Variants in NBEA observed in about 807,000 individuals in gnomAD.
The protein encoded by NBEA is neurobeachin.
A neutral mutation model predicts 343.4 loss-of-function variants in NBEA; 44 were observed. The ratio of observed to expected loss-of-function variants is 0.13; its 90% CI spans 0.10 to 0.16. The LOEUF is 0.16. Ranked by LOEUF, NBEA falls within the 10% of genes least tolerant of loss-of-function variation. NBEA has a pLI of 1.00. For missense variants in NBEA, 2,555 were observed against 3,631.3 expected (o/e 0.70, Z 7.62); for synonymous variants, 1,175 against 1,238.7 (o/e 0.95, Z 1.08).
intron 6 of NBEA, among the ~76,000 whole-genome samples, chr13:35,053,799 A>T (rs1373797744): frequency 6.6e-6 from 1 of 152,168 alleles, no homozygotes. Flanking sequence ...TGCCAAATAC[A>T]TTAGGAACTT....
chr13:35,207,516 T>C lies in NBEA; in HGVS notation c.5367-1184T>C, dbSNP rs551711255. Among the ~76,000 whole-genome samples, 9 of 152,294 alleles carry C rather than the reference T, an allele frequency of 5.9e-5. No individual in the cohort carries two copies. The South Asian group carries it at 1.7e-3, about 28-fold the overall frequency. ...AAATGAAGTTTGCAGTGCTATAAAC[T>C]TTGAGAAGAATGAACCTTTACTGCA... On this transcript the variant is annotated intron_variant, in intron 31 of 58. Transcript: ENST00000379939.
At chr13:35,405,172 A>G (rs1171269762) in intron 38 of NBEA, among the ~76,000 whole-genome samples, 1 of 152,208 alleles carries the variant, frequency 6.6e-6, no homozygotes, top group Non-Finnish European at 1.5e-5. Flanking sequence ...AAATGCAAAA[A>G]TACATGCACT....
At chr13:35,208,507 A>G (rs192749251) in intron 31 of NBEA, among the ~76,000 whole-genome samples, 193 bp from the exon 32 acceptor site, 6 of 152,320 alleles carry the variant, frequency 3.9e-5, no homozygotes, top group Admixed American at 2.0e-4. Context: ...CAATTAGGCA[A>G]CACACTTTAT....
At chr13:35,633,731 A>T (rs1032592633) in intron 49 of NBEA, among the ~76,000 whole-genome samples, 1 of 152,140 alleles carries the variant, frequency 6.6e-6, no homozygotes, top group African/African-American at 2.4e-5. Flanking sequence ...ATAAAGCACT[A>T]CACAGGCATT....
intron 38 of NBEA, among the ~76,000 whole-genome samples, chr13:35,370,879 A>T (rs974831673): frequency 5.4e-5 from 8 of 147,408 alleles, no homozygotes; most frequent in African/African-American, 1.5e-4. Context: ...ATAAAGAATA[A>T]CTTTGCTGGG....
At chr13:35,071,235 TA>T (rs1483729118) in intron 10 of NBEA, among the ~76,000 whole-genome samples, 1 of 152,004 alleles carries the variant, frequency 6.6e-6, no homozygotes, top group East Asian at 1.9e-4. Context: ...TTCAGAAGAA[TA>T]ACATTTATTA....
chr13:35,526,411 C>T (rs1449103631), intron 41 of NBEA, among the ~76,000 whole-genome samples: 4 of 152,118 alleles, frequency 2.6e-5, no homozygotes, highest in South Asian at 2.1e-4. Context: ...TTTAGGAGGT[C>T]GAGGCCCGTG....
chr13:35,365,467 C>T (rs559620285), intron 38 of NBEA, among the ~76,000 whole-genome samples: 1 of 151,750 alleles, frequency 6.6e-6, no homozygotes, highest in East Asian at 1.9e-4. Flanking sequence ...ATCACAGTCT[C>T]TTAGTCTATA....
At chr13:35,109,848 A>G (rs1212253209) in intron 12 of NBEA, among the ~76,000 whole-genome samples, 1 of 151,952 alleles carries the variant, frequency 6.6e-6, no homozygotes, top group Non-Finnish European at 1.5e-5. Context: ...AAAAATAAAT[A>G]TATACATGAA....
intron 45 of NBEA, among the ~76,000 whole-genome samples, chr13:35,578,930 CT>C (rs34624362): frequency 0.2 from 28,761 of 145,568 alleles, 2,928 homozygotes; most frequent in Non-Finnish European, 0.24. Context: ...TCATCTTAAA[CT>C]TTTTTTTTTT....
rs758278387 is a variant in NBEA at position 35,208,788 on chromosome 13, A to G, written c.5455A>G (p.Thr1819Ala). The change falls in exon 32 of 59, where the codon ACA (threonine) becomes GCA (alanine). Residue 1819 changes from threonine (T) to alanine (A), a missense_variant. Around this residue, in one of 21 missense-constraint regions of NBEA, gnomAD observed 270 missense variants for 293.3 expected, o/e 0.92. Coordinates refer to ENST00000379939, the MANE Select transcript of NBEA (RefSeq NM_001385012.1). ...GATTAGSGLPTGSTSNIFAAT... is the reference protein window; with the variant it reads ...GATTAGSGLPAGSTSNIFAAT... ...CACTACTGCTGGAAGTGGGCTGCCA[A>G]CAGGCAGTACCTCTAATATATTTGC... 11 of 1,610,906 alleles carry G rather than the reference A, an allele frequency of 6.8e-6. No individual in the cohort carries two copies. The highest frequency in any genetic ancestry group is 3.3e-5 in the Admixed American group (2 of 59,758).
chr13:35,292,449 G>A (rs899370892), intron 35 of NBEA, among the ~76,000 whole-genome samples: 2 of 152,002 alleles, frequency 1.3e-5, no homozygotes, highest in Non-Finnish European at 2.9e-5. Context: ...TCTCTCCAAA[G>A]CAGTGTTCTT....
intron 1 of NBEA, among the ~76,000 whole-genome samples, chr13:35,020,334 G>A (rs144969748): frequency 2.0e-4 from 31 of 151,932 alleles, no homozygotes; most frequent in African/African-American, 5.1e-4. Flanking sequence ...TAATTCTACC[G>A]TGATCAGATA....
intron 35 of NBEA, among the ~76,000 whole-genome samples, chr13:35,290,697 C>T (rs75815504): frequency 0.035 from 5,224 of 150,820 alleles, 181 homozygotes; most frequent in East Asian, 0.15. Flanking sequence ...CCTACCCTTT[C>T]GATTCTTCCA....
chr13:35,245,282 C>T (rs2031009636), intron 34 of NBEA, among the ~76,000 whole-genome samples: 1 of 152,174 alleles, frequency 6.6e-6, no homozygotes, highest in Non-Finnish European at 1.5e-5. Flanking sequence ...AGCATTTAGA[C>T]CATTTACATT....
chr13:35,361,654 A>G (rs2040813385), intron 38 of NBEA, among the ~76,000 whole-genome samples: 1 of 152,068 alleles, frequency 6.6e-6, no homozygotes, highest in African/African-American at 2.4e-5. Context: ...TATTAAATAC[A>G]GTACCAAAAG....
At chr13:35,290,491 GT>G (rs751078294) in intron 35 of NBEA, 41 bp downstream of exon 35, 2 of 1,417,838 alleles carry the variant, frequency 1.4e-6, no homozygotes, top group East Asian at 2.3e-5. Context: ...ATATATGAGG[GT>G]TTTTTGTGAC....
At chr13:35,290,338 A>T (rs1400455631) in intron 34 of NBEA, 51 bp from the exon 35 acceptor site, 11 of 1,159,514 alleles carry the variant, frequency 9.5e-6, no homozygotes, top group Non-Finnish European at 1.4e-5. Context: ...ACTCAGAATG[A>T]TAATTTCTGC....
intron 34 of NBEA, among the ~76,000 whole-genome samples, chr13:35,236,737 T>C (rs1033280917): frequency 6.6e-6 from 1 of 151,734 alleles, no homozygotes; most frequent in Non-Finnish European, 1.5e-5. Context: ...ATTACAGCCA[T>C]GAGCCACCCC....
Sources: gnomAD v4.1 joint callset for allele counts (sites outside exome capture counted in the v4.1 genomes callset) on GRCh38, gnomAD v4.1.1 for gene constraint, gnomAD v4.1.1 regional missense constraint, MANE v1.5 for transcripts, NCBI Gene and HGNC (gene_info 2026-07-23, HGNC 2026-07-21) for gene names.